The following C5 variants were observed in gnomAD, a reference collection of about 807,000 sequenced individuals.
C5 encodes the protein C3 and PZP-like alpha-2-macroglobulin domain-containing protein 4.
Under a neutral mutation model 218.8 loss-of-function variants are expected in C5, and 140 were observed. The ratio of observed to expected loss-of-function variants is 0.64; its 90% confidence interval spans 0.56 to 0.74. The LOEUF is 0.74. Among genes scored for constraint, C5 ranks in the 30% least tolerant of loss-of-function variants. The pLI is 0.00. For synonymous variants in C5, 614 were observed against 682.3 expected, an observed-to-expected ratio of 0.90 and a Z score of 1.56; for missense variants, 1,700 against 1,969.6, an observed-to-expected ratio of 0.86 and a Z score of 2.59.
the C5 span, among the ~76,000 whole-genome samples, chr9:121,057,833 C>G: frequency 6.6e-6 from 1 of 152,214 alleles, no homozygotes; most frequent in African/African-American, 2.4e-5. Context: ...AGAAGGCACT[C>G]TAAACAGTTT....
At chr9:120,988,365 G>A (rs909246875) in intron 25 of C5, among the ~76,000 whole-genome samples, 1 of 152,122 alleles carries the variant, frequency 6.6e-6, no homozygotes, top group Non-Finnish European at 1.5e-5. Flanking sequence ...GGAGGGGAGT[G>A]GATTGCAATT....
intron 7 of C5, among the ~76,000 whole-genome samples, chr9:121,027,503 C>T (rs1476568487): frequency 6.6e-6 from 1 of 152,114 alleles, no homozygotes; most frequent in African/African-American, 2.4e-5. Flanking sequence ...GATATATAGA[C>T]CAATGGAACA....
chr9:121,025,604 G>A, intron 8 of C5, 24 bp from the exon 9 acceptor site: 1 of 1,607,204 alleles, frequency 6.2e-7, no homozygotes, highest in Non-Finnish European at 8.5e-7. Context: ...GAAAAAGGAG[G>A]AGTTATTTCG....
chr9:120,984,442 T>G (rs1376439979), intron 25 of C5, among the ~76,000 whole-genome samples: 3 of 152,154 alleles, frequency 2.0e-5, no homozygotes, highest in Admixed American at 6.6e-5. Flanking sequence ...CATTTTACAT[T>G]GGGTCTCTCT....
At chr9:120,973,129 T>C (rs540481407) in intron 30 of C5, among the ~76,000 whole-genome samples, 1 of 152,314 alleles carries the variant, frequency 6.6e-6, no homozygotes, top group South Asian at 2.1e-4. Context: ...CACTCTTTCA[T>C]GGAACACATT....
intron 7 of C5, among the ~76,000 whole-genome samples, chr9:121,029,829 G>A (rs891174319): frequency 5.3e-5 from 8 of 152,178 alleles, no homozygotes; most frequent in African/African-American, 1.9e-4. Context: ...AAGCTAGCCT[G>A]CTGGATGATG....
chr9:121,066,862 GAA>G, the C5 span, among the ~76,000 whole-genome samples: 4 of 134,984 alleles, frequency 3.0e-5, no homozygotes, highest in Non-Finnish European at 6.2e-5. Context: ...CTCAAAAAAA[GAA>G]AAAAAAAAAA....
intron 34 of C5, among the ~76,000 whole-genome samples, chr9:120,963,322 T>G (rs533334487): frequency 6.6e-6 from 1 of 152,034 alleles, no homozygotes; most frequent in Non-Finnish European, 1.5e-5. Context: ...CTGACTGACA[T>G]GGAGAAACCT....
intron 19 of C5, 88 bp from the exon 20 acceptor site, chr9:121,006,146 ACTTC>A: frequency 7.6e-7 from 1 of 1,316,768 alleles, no homozygotes; most frequent in Admixed American, 1.7e-5. Flanking sequence ...CATTTGCTTT[ACTTC>A]AAGGAAAAAA....
At chr9:121,023,102 G>C (rs1250250239) in intron 10 of C5, among the ~76,000 whole-genome samples, 2 of 152,130 alleles carry the variant, frequency 1.3e-5, no homozygotes, top group African/African-American at 2.4e-5. Context: ...TTTTGAACTA[G>C]AGTCTTATGA....
Position 120,952,955 on chromosome 9 carries a change from G to T in C5, c.4902-87C>A. ...TTATTTTTTTTTGAGACGGAGTCTT[G>T]CTCAGTCGCCCATGCTGGAGTGCAG... On this transcript the variant is annotated intron_variant, in intron 40 of 40. Transcript: ENST00000223642. 4 of 1,452,114 alleles carry T rather than the reference G, an allele frequency of 2.8e-6. No individual in the cohort carries two copies. In the South Asian group the frequency reaches 4.6e-5, roughly 17 times the overall value. The allele number at this position is 1,452,114 out of a possible 1,614,324, so 90.0% of individuals were successfully genotyped here.
Position 120,952,516 on chromosome 9 carries a change from T to G in C5, c.*223A>C, listed in dbSNP as rs1030896104. 1 of 452,340 alleles carries G rather than the reference T, an allele frequency of 2.2e-6. No individual in the cohort carries two copies. The highest frequency in any genetic ancestry group is 2.1e-5 in the South Asian group (1 of 47,998). The allele number at this position is 452,340 out of a possible 1,614,324, so 28.0% of individuals were successfully genotyped here. On this transcript the variant is annotated 3_prime_UTR_variant, in exon 41 of 41. Coordinates refer to ENST00000223642, the MANE Select transcript of C5 (RefSeq NM_001735.3). ...TATTGTTTCCGGTGTCCAATAACCT[T>G]GGAGGAGTATCTGTCTTCATGCCCT...
At chr9:121,069,970 A>G in the C5 span, among the ~76,000 whole-genome samples, 2 of 152,210 alleles carry the variant, frequency 1.3e-5, no homozygotes, top group Non-Finnish European at 2.9e-5. Flanking sequence ...AAATCAGTAT[A>G]TCAAAGACAC....
chr9:121,029,051 A>G (rs2047450909), intron 7 of C5, among the ~76,000 whole-genome samples: 1 of 152,142 alleles, frequency 6.6e-6, no homozygotes, highest in African/African-American at 2.4e-5. Flanking sequence ...TACGTGTCCA[A>G]TCTCACTGTT....
intron 7 of C5, among the ~76,000 whole-genome samples, chr9:121,029,372 A>G (rs2131793914): frequency 6.6e-6 from 1 of 152,342 alleles, no homozygotes; most frequent in South Asian, 2.1e-4. Flanking sequence ...TGTGCAACTT[A>G]CTAGCTGTAT....
the C5 span, among the ~76,000 whole-genome samples, chr9:121,057,632 C>CA: frequency 6.6e-6 from 1 of 151,530 alleles, no homozygotes; most frequent in African/African-American, 2.4e-5. Context: ...AATTGCTACA[C>CA]AAAAAATAAA....
intron 3 of C5, among the ~76,000 whole-genome samples, chr9:121,039,366 C>T (rs1187875656): frequency 6.6e-6 from 1 of 152,134 alleles, no homozygotes; most frequent in African/African-American, 2.4e-5. Flanking sequence ...TGGCCGGGTG[C>T]AGTGGCTTAC....
the C5 span, among the ~76,000 whole-genome samples, chr9:121,060,267 T>TATTC: frequency 2.0e-5 from 3 of 152,196 alleles, no homozygotes; most frequent in African/African-American, 7.2e-5. Flanking sequence ...CAAAGAAAGC[T>TATTC]GGAATAATTC....
chr9:121,050,534 C>G (rs1048983500), upstream of C5, among the ~76,000 whole-genome samples: 1 of 152,148 alleles, frequency 6.6e-6, no homozygotes, highest in African/African-American at 2.4e-5. Flanking sequence ...AAGCTAGAAA[C>G]CAGTAAGCCC....
Sources: allele counts gnomAD v4.1 joint callset (sites outside exome capture counted in the v4.1 genomes callset), GRCh38; gene constraint gnomAD v4.1.1; transcripts MANE v1.5; gene names NCBI Gene and HGNC (gene_info 2026-07-23, HGNC 2026-07-21).